Variants in FAM83G observed in about 807,000 individuals in gnomAD.
FAM83G encodes the protein protein FAM83G.
A neutral mutation model predicts 61.5 loss-of-function variants in FAM83G; 38 were observed. The ratio of observed to expected loss-of-function variants is 0.62; its 90% CI spans 0.48 to 0.81. The LOEUF (loss-of-function observed/expected upper bound fraction) is 0.81. FAM83G is among the 30% of genes least tolerant of loss of function. The pLI, the probability that FAM83G is intolerant of heterozygous loss-of-function variation, is 0.00. For synonymous variants in FAM83G, 470 were observed against 476.1 expected (o/e 0.99, Z 0.17); for missense variants, 989 against 1,133.6 (o/e 0.87, Z 1.83).
chr17:18,990,165 G>A (rs1462578568), intron 2 of FAM83G, among the ~76,000 whole-genome samples: 1 of 152,172 alleles, frequency 6.6e-6, no homozygotes, highest in Non-Finnish European at 1.5e-5. Flanking sequence ...CTGCCCCCAG[G>A]GCTGCCCAAG....
At chr17:18,973,884 G>GC (rs755997694) in intron 5 of FAM83G, among the ~76,000 whole-genome samples, 2 of 95,740 alleles carry the variant, frequency 2.1e-5, no homozygotes, top group Non-Finnish European at 4.0e-5. Context: ...TTTTTTTTAA[G>GC]TTTTTTTTTT....
At position 18,978,702 on chromosome 17, in the gene FAM83G, C is replaced by G; in HGVS notation, c.964G>C (p.Glu322Gln). Reference protein sequence around the residue: ...LKGIPMEKEPEPEPIVLPSVV... With the variant: ...LKGIPMEKEPQPEPIVLPSVV... The stretch of plus-strand genomic sequence containing the variant: ...GAGGGCAGCACAATAGGCTCCGGCT[C>G]CGGTTCCTTCTCCATAGGGATGCCC... The change falls in exon 5 of 6, where the codon GAG becomes CAG. Residue 322 changes from glutamate (E) to glutamine (Q), a missense_variant. Transcript: ENST00000388995. 6.2e-7 allele frequency: 1 copy of G among 1,612,970 alleles called. No homozygotes were observed. The highest frequency in any genetic ancestry group is 8.5e-7 in the Non-Finnish European group (1 of 1,179,988).
chr17:18,969,177 G>A lies in FAM83G; in HGVS notation c.*2182C>T, dbSNP rs762692312. ...TCGCAGGTATGGTGCCTGCAGCAGG[G>A]AGGTCCACCCAGGGGACGTGTAAAG... On this transcript the variant is annotated 3_prime_UTR_variant, in exon 6 of 6. Coordinates refer to ENST00000388995, the MANE Select transcript of FAM83G (RefSeq NM_001039999.3). The A allele has an allele frequency of 6.2e-7, 1 of 1,611,826 alleles. No individual in the cohort carries two copies. Among genetic ancestry groups the A allele is most frequent in the Middle Eastern group, 1.7e-4 (1 of 6,048 alleles).
At chr17:18,983,429 A>G (rs1019360571) in intron 3 of FAM83G, among the ~76,000 whole-genome samples, 1 of 152,190 alleles carries the variant, frequency 6.6e-6, no homozygotes, top group African/African-American at 2.4e-5. Flanking sequence ...TTATAATGGA[A>G]GCCAGTGATT....
rs141422354 is a variant in FAM83G at position 18,985,395 on chromosome 17, A to T, written c.690+2852T>A. On this transcript the variant is annotated intron_variant, in intron 3 of 5. Coordinates refer to ENST00000388995, the MANE Select transcript of FAM83G (RefSeq NM_001039999.3). Reference sequence around the variant, plus strand: ...GGTATCACCCCCAAACTGGCACCTGACACCCCAAGGTCAAAAGGATGACCC... The same window carrying T: ...GGTATCACCCCCAAACTGGCACCTGTCACCCCAAGGTCAAAAGGATGACCC... Among the ~76,000 whole-genome samples, 8 of 152,290 alleles carry T rather than the reference A, an allele frequency of 5.3e-5. No homozygotes were observed. The East Asian group carries it at 1.5e-3, about 29-fold the overall frequency.
upstream of FAM83G, among the ~76,000 whole-genome samples, chr17:19,005,799 C>T (rs895468939): frequency 3.3e-5 from 5 of 152,208 alleles, no homozygotes; most frequent in Admixed American, 2.0e-4. Context: ...TACACTCTGC[C>T]ATATAGCCCC....
At chr17:18,980,715 C>T (rs2152012551) in intron 3 of FAM83G, among the ~76,000 whole-genome samples, 1 of 152,228 alleles carries the variant, frequency 6.6e-6, no homozygotes, top group South Asian at 2.1e-4. Flanking sequence ...TCGAGGATGG[C>T]CAAGGGCATC....
chr17:18,984,673 G>A (rs2043224826), intron 3 of FAM83G, among the ~76,000 whole-genome samples: 1 of 152,230 alleles, frequency 6.6e-6, no homozygotes, highest in Non-Finnish European at 1.5e-5. Context: ...CATGGCTCTT[G>A]TCTGTCCTAA....
intron 3 of FAM83G, among the ~76,000 whole-genome samples, chr17:18,983,653 G>A (rs940194683): frequency 6.6e-5 from 10 of 152,186 alleles, no homozygotes; most frequent in Admixed American, 5.9e-4. Context: ...TGAGGTGCAG[G>A]CCTCCAGCAG....
chr17:19,003,488 C>T lies in FAM83G; in HGVS notation c.522+32G>A. ...GAGAGGGGTCCGGTGGCTGGTTGGG[C>T]CATGGCTCCAGGAGTCCCCGCGCTG... On this transcript the variant is annotated intron_variant, in intron 2 of 5. Transcript: ENST00000388995. The surrounding 1 kb of genome is among the most constrained non-coding windows in gnomAD (Gnocchi z 4.5). The T allele has an allele frequency of 6.6e-7, 1 of 1,505,164 alleles. No individual in the cohort carries two copies. Among genetic ancestry groups the T allele is most frequent in the Non-Finnish European group, 8.9e-7 (1 of 1,126,982 alleles). 93.2% of individuals were successfully genotyped at this position (1,505,164 alleles called of 1,614,324 possible).
At chr17:19,005,268 G>A (rs1356338605), upstream of FAM83G, among the ~76,000 whole-genome samples, 2 of 152,160 alleles carry the variant, frequency 1.3e-5, no homozygotes, top group Non-Finnish European at 2.9e-5. Flanking sequence ...TCCCCTCTGG[G>A]AGGGGTCCCC....
intron 2 of FAM83G, among the ~76,000 whole-genome samples, chr17:18,993,724 T>A (rs1184575762): frequency 6.6e-6 from 1 of 152,038 alleles, no homozygotes; most frequent in African/African-American, 2.4e-5. Context: ...CATCTTGGGG[T>A]TCGTTATTCT....
rs761521036 is a variant in FAM83G, at chr17:19,004,024, C to T, written c.18G>A (p.Val6=). The T allele has an allele frequency of 2.0e-5, 32 of 1,600,446 alleles. No individual in the cohort carries two copies. Among genetic ancestry groups the T allele is most frequent in the Non-Finnish European group, 2.6e-5 (31 of 1,172,024 alleles). The change falls in exon 2 of 6, where the codon GTG becomes GTA. Residue 6 remains valine, a synonymous_variant. Coordinates refer to ENST00000388995, the MANE Select transcript of FAM83G (RefSeq NM_001039999.3). This position sits in a 1 kb window ranked among gnomAD's most constrained non-coding sequence, Gnocchi z 5.4. ...TCACATGGTTGTCGTCCAGACACTG[C>T]ACCTGAGAGAAGGCCATGGCGCCGC... MAFSQ[V]QCLDDNHVNW...
intron 5 of FAM83G, chr17:18,976,225 T>G (rs1016722131): frequency 1.4e-5 from 2 of 146,658 alleles, no homozygotes; most frequent in Non-Finnish European, 1.5e-5. Flanking sequence ...AATCGTAATA[T>G]CAGTGCTGGG....
At position 18,979,662 on chromosome 17, in the gene FAM83G, C is replaced by T. The variant is rs1239469361; in HGVS notation, c.702G>A (p.Val234=). The change falls in exon 4 of 6, where the codon GTG becomes GTA. Residue 234 remains valine, a synonymous_variant. Transcript: ENST00000388995. The part of the protein sequence containing the change: ...MHLGHLKNLR[V]RSSGGTEFFT... ...AGAACTCAGTTCCCCCGCTGCTCCG[C>T]ACTCTGAGATTCTGTTTTGGGAACC... is the stretch of plus-strand genomic sequence containing the variant. 15 of 1,613,416 alleles carry T rather than the reference C, an allele frequency of 9.3e-6. No individual in the cohort carries two copies. Among genetic ancestry groups the T allele is most frequent in the Non-Finnish European group, 1.2e-5 (14 of 1,179,964 alleles).
chr17:18,993,883 G>A (rs2043495957), intron 2 of FAM83G, among the ~76,000 whole-genome samples: 1 of 152,228 alleles, frequency 6.6e-6, no homozygotes, highest in South Asian at 2.1e-4. Flanking sequence ...CCACAAGGTT[G>A]TTGGAAATTA....
In FAM83G at chr17:18,971,639, G is replaced by A. The variant is rs2039635333; in HGVS notation, c.2192C>T (p.Thr731Ile). The change falls in exon 6 of 6, where the codon ACC (threonine) becomes ATC (isoleucine). Residue 731 changes from threonine to isoleucine, a missense_variant. Physicochemically the swap from Thr to Ile is moderately conservative, Grantham distance 89 (BLOSUM62 -1). Coordinates refer to ENST00000388995, the MANE Select transcript of FAM83G (RefSeq NM_001039999.3). The surrounding 1 kb of genome is among the most constrained non-coding windows in gnomAD (Gnocchi z 5.5). ...RSAADSVQSS[T>I]RNAGPAMAGP... ...AGCCATGGCTGGGCCAGCGTTTCTG[G>A]TAGAGCTCTGGACGCTGTCAGCAGC... 1 of 1,613,382 alleles carries A rather than the reference G, an allele frequency of 6.2e-7. No homozygotes were observed. The highest frequency in any genetic ancestry group is 1.1e-5 in the South Asian group (1 of 91,090).
chr17:18,981,387 G>A (rs1042514582), intron 3 of FAM83G, among the ~76,000 whole-genome samples: 6 of 152,174 alleles, frequency 3.9e-5, no homozygotes, highest in Admixed American at 1.3e-4. Flanking sequence ...ACCCTGCACC[G>A]GCTTAAGAGC....
chr17:19,001,065 A>C (rs75511380), intron 2 of FAM83G, among the ~76,000 whole-genome samples: 1,917 of 152,338 alleles, frequency 0.013, 36 homozygotes, highest in African/African-American at 0.042. Context: ...AGAACTAGCT[A>C]GGTGACCTTG....
Sources: gnomAD v4.1 joint callset for allele counts (sites outside exome capture counted in the v4.1 genomes callset) on GRCh38, gnomAD v4.1.1 for gene constraint, Gnocchi (gnomAD v3.1) non-coding constraint, MANE v1.5 for transcripts, NCBI Gene and HGNC (gene_info 2026-07-23, HGNC 2026-07-21) for gene names.